The following QRFPR variants were observed in gnomAD, a reference collection of about 807,000 sequenced individuals.
QRFPR encodes the protein pyroglutamylated RF-amide peptide receptor.
A neutral mutation model predicts 31.3 loss-of-function variants in QRFPR; 37 were observed. That is an observed-to-expected ratio of 1.18 (90% CI 0.91 to 1.56). QRFPR has a LOEUF of 1.56. Among genes scored for constraint, QRFPR ranks in the 40% most tolerant of loss-of-function variants. The pLI, the probability that QRFPR is intolerant of heterozygous loss-of-function variation, is 0.00. For missense variants in QRFPR, 542 were observed against 532.5 expected (o/e 1.02, Z -0.18); for synonymous variants, 197 against 192.0 (o/e 1.03, Z -0.22).
chr4:121,336,474 AGAGCAATCATTCAACT>A, intron 3 of QRFPR, among the ~76,000 whole-genome samples: 1 of 152,236 alleles, frequency 6.6e-6, no homozygotes, highest in African/African-American at 2.4e-5. Context: ...AGAAAAACCT[AGAGCAATCATTCAACT>A]CTTAAAATGT....
At chr4:121,346,261 T>C (rs1289566821) in intron 1 of QRFPR, among the ~76,000 whole-genome samples, 1 of 152,202 alleles carries the variant, frequency 6.6e-6, no homozygotes, top group Non-Finnish European at 1.5e-5. Context: ...CTTGTCCCAA[T>C]ACAACCTGTA....
chr4:121,343,449 TC>T (rs1467043600), intron 1 of QRFPR, among the ~76,000 whole-genome samples: 1 of 152,170 alleles, frequency 6.6e-6, no homozygotes, highest in Non-Finnish European at 1.5e-5. Flanking sequence ...CAAAACAAAA[TC>T]CTGTTCAAAC....
At chr4:121,347,938 A>T (rs1468021327) in intron 1 of QRFPR, among the ~76,000 whole-genome samples, 1 of 152,152 alleles carries the variant, frequency 6.6e-6, no homozygotes, top group African/African-American at 2.4e-5. Context: ...GAATATATTT[A>T]TGTCTCTAAA....
At chr4:121,353,053 C>A (rs2110475566) in intron 1 of QRFPR, among the ~76,000 whole-genome samples, 1 of 152,122 alleles carries the variant, frequency 6.6e-6, no homozygotes, top group East Asian at 1.9e-4. Context: ...AACTTCATTT[C>A]TTTTTATGGC....
chr4:121,381,017 A>G lies in QRFPR; in HGVS notation c.-370T>C, dbSNP rs759760822. On this transcript the variant is annotated 5_prime_UTR_variant, in exon 1 of 6. It removes an upstream start codon present in the reference 5' UTR. Coordinates refer to ENST00000394427, the MANE Select transcript of QRFPR (RefSeq NM_198179.3). ...GCCTCTGGCTCCCCGCCTTCTGGCC[A>G]TGCGATGCGGACGCCGGACCCGCTT... The G allele has an allele frequency of 5.2e-6, 1 of 192,046 alleles. No homozygotes were observed. The highest frequency in any genetic ancestry group is 2.3e-5 in the African/African-American group (1 of 43,006). The allele number at this position is 192,046 out of a possible 1,614,324, so 11.9% of individuals were successfully genotyped here. A position where few individuals can be genotyped will look rare whatever the true frequency, so the allele number is the denominator to read the frequency against.
At chr4:121,360,103 A>G (rs1725960772) in intron 1 of QRFPR, among the ~76,000 whole-genome samples, 1 of 152,170 alleles carries the variant, frequency 6.6e-6, no homozygotes, top group African/African-American at 2.4e-5. Context: ...TGAGTACACG[A>G]CAAATTTGCT....
At chr4:121,367,527 G>A (rs1168558251) in intron 1 of QRFPR, among the ~76,000 whole-genome samples, 2 of 150,014 alleles carry the variant, frequency 1.3e-5, no homozygotes, top group African/African-American at 4.9e-5. Flanking sequence ...AATGGACCTG[G>A]TTTTTACAGT....
At chr4:121,335,543 T>A (rs1185009336) in intron 3 of QRFPR, among the ~76,000 whole-genome samples, 1 of 112,502 alleles carries the variant, frequency 8.9e-6, no homozygotes, top group Admixed American at 1.3e-4. Flanking sequence ...CTCATCAGCT[T>A]CTGATGAGAG....
intron 1 of QRFPR, among the ~76,000 whole-genome samples, chr4:121,360,401 A>G (rs1725966703): frequency 6.6e-6 from 1 of 152,164 alleles, no homozygotes; most frequent in Admixed American, 6.5e-5. Flanking sequence ...TTAGTATCCC[A>G]ATTCTGAGAG....
In QRFPR at chr4:121,341,611, T is replaced by C. The variant is rs569116405; in HGVS notation, c.341-1001A>G. Among the ~76,000 whole-genome samples, 7 of 152,270 alleles carry C rather than the reference T, an allele frequency of 4.6e-5. No individual in the cohort carries two copies. The South Asian group carries it at 1.5e-3, about 32-fold the overall frequency. On this transcript the variant is annotated intron_variant, in intron 1 of 5. Transcript: ENST00000394427. ...TCTTCCCTCATGTGACAAATCACAG[T>C]CAAAACACACAAAATCATTTAATAT... is the stretch of plus-strand genomic sequence containing the variant.
At chr4:121,370,297 G>A (rs2110483906) in intron 1 of QRFPR, 1 of 778,538 alleles carries the variant, frequency 1.3e-6, no homozygotes, top group African/African-American at 1.7e-5. Flanking sequence ...ATCTTGCCTA[G>A]AGGCCCACTA....
rs193271510 is a variant in QRFPR at position 121,359,703 on chromosome 4, A to G, written c.341-19093T>C. ...TATATATGTGTGTATATATGTGTGTATGTGTGTGTGTGTATATATGTGTGT... is the reference window on the plus strand; with the variant it reads ...TATATATGTGTGTATATATGTGTGTGTGTGTGTGTGTGTATATATGTGTGT... On this transcript the variant is annotated intron_variant, in intron 1 of 5. Transcript: ENST00000394427. Among the ~76,000 whole-genome samples the G allele has an allele frequency of 1.0e-4, 15 of 148,782 alleles. No individual in the cohort carries two copies. The East Asian group carries it at 1.4e-3, about 14-fold the overall frequency.
intron 1 of QRFPR, among the ~76,000 whole-genome samples, chr4:121,343,410 A>G (rs1420097419): frequency 1.3e-5 from 2 of 152,058 alleles, no homozygotes; most frequent in African/African-American, 4.8e-5. Context: ...AACCAATCCC[A>G]CTCACTTCTA....
intron 1 of QRFPR, among the ~76,000 whole-genome samples, chr4:121,345,046 T>C (rs535051755): frequency 6.6e-6 from 1 of 152,304 alleles, no homozygotes; most frequent in South Asian, 2.1e-4. Flanking sequence ...GGAATGTGTA[T>C]TTCTCATATT....
chr4:121,347,792 T>C (rs967618737), intron 1 of QRFPR, among the ~76,000 whole-genome samples: 4 of 152,160 alleles, frequency 2.6e-5, no homozygotes, highest in Non-Finnish European at 4.4e-5. Flanking sequence ...TATTCTTCCC[T>C]TGGCCTACTT....
chr4:121,357,213 T>C (rs1462455555), intron 1 of QRFPR, among the ~76,000 whole-genome samples: 2 of 152,096 alleles, frequency 1.3e-5, no homozygotes, highest in Non-Finnish European at 2.9e-5. Flanking sequence ...CCTTGCCTTT[T>C]CTAGTTTCTA....
intron 1 of QRFPR, among the ~76,000 whole-genome samples, chr4:121,358,072 A>G (rs1725904428): frequency 6.6e-6 from 1 of 152,208 alleles, no homozygotes; most frequent in African/African-American, 2.4e-5. Context: ...TAAAATTACA[A>G]AGTAGTATTC....
intron 3 of QRFPR, 60 bp from the exon 4 acceptor site, chr4:121,333,116 A>C (rs762721901): frequency 3.5e-6 from 4 of 1,149,204 alleles, no homozygotes; most frequent in Non-Finnish European, 5.1e-6. Context: ...AACAGAAATC[A>C]GCCAAGTATT....
intron 1 of QRFPR, among the ~76,000 whole-genome samples, chr4:121,378,088 C>G (rs1379364387): frequency 2.0e-5 from 3 of 152,088 alleles, no homozygotes; most frequent in Non-Finnish European, 4.4e-5. Context: ...AAACATAGGC[C>G]ACCTCCAATT....
Sources: allele counts gnomAD v4.1 joint callset (sites outside exome capture counted in the v4.1 genomes callset), GRCh38; gene constraint gnomAD v4.1.1; transcripts MANE v1.5; gene names NCBI Gene and HGNC (gene_info 2026-07-23, HGNC 2026-07-21).